The following TMEM267 variants were observed in gnomAD, a reference collection of about 807,000 sequenced individuals.
The protein encoded by TMEM267 is transmembrane protein C5orf28.
TMEM267 carries 20 observed loss-of-function variants against 19.3 expected under a neutral mutation model. The observed-to-expected ratio is 1.04, with a 90% CI of 0.73 to 1.51. The LOEUF is 1.51. Ranked by LOEUF, TMEM267 falls within the 40% of genes most tolerant of loss-of-function variation. The pLI is 0.00. For missense variants in TMEM267, 242 were observed against 261.9 expected, an observed-to-expected ratio of 0.92 and a Z score of 0.52; for synonymous variants, 88 against 90.3, an observed-to-expected ratio of 0.97 and a Z score of 0.15.
chr5:43,471,363 C>T (rs1051899842), intron 1 of TMEM267, among the ~76,000 whole-genome samples: 2 of 151,812 alleles, frequency 1.3e-5, no homozygotes, highest in Admixed American at 1.3e-4. Flanking sequence ...GTCCATAATA[C>T]CCAAAGCAAT....
chr5:43,476,754 C>T (rs1011427049), intron 1 of TMEM267, among the ~76,000 whole-genome samples: 34 of 150,702 alleles, frequency 2.3e-4, no homozygotes, highest in African/African-American at 8.1e-4. Context: ...AGACCCAGTA[C>T]GTATATGGTG....
chr5:43,474,967 G>A (rs183559309), intron 1 of TMEM267, among the ~76,000 whole-genome samples: 18 of 152,238 alleles, frequency 1.2e-4, no homozygotes, highest in Admixed American at 1.2e-3. Context: ...AAGACAGTGT[G>A]GCGATTCCTC....
chr5:43,453,971 A>T lies in TMEM267; in HGVS notation c.-2T>A. The T allele has an allele frequency of 6.2e-7, 1 of 1,612,248 alleles. No individual in the cohort carries two copies. The highest frequency in any genetic ancestry group is 1.1e-5 in the South Asian group (1 of 90,854). On this transcript the variant is annotated 5_prime_UTR_variant, in exon 2 of 3. Coordinates refer to ENST00000397080, the MANE Select transcript of TMEM267 (RefSeq NM_022483.5). Reference sequence around the variant, plus strand: ...GGTCTTTTCAGTCTCGGATGCCATGACAAACAATATGTTAGTATAGACTAA... The same window carrying T: ...GGTCTTTTCAGTCTCGGATGCCATGTCAAACAATATGTTAGTATAGACTAA...
intron 1 of TMEM267, among the ~76,000 whole-genome samples, chr5:43,473,935 G>A (rs550531748): frequency 6.6e-6 from 1 of 152,300 alleles, no homozygotes; most frequent in East Asian, 1.9e-4. Flanking sequence ...CAATGGAACA[G>A]AACAGAGGCC....
At position 43,477,549 on chromosome 5, in the gene TMEM267, G is replaced by A. The variant is rs555439179; in HGVS notation, c.-75+6273C>T. On this transcript the variant is annotated intron_variant, in intron 1 of 2. Transcript: ENST00000397080. ...GCGGAGGTTGCAGTGAGCAGAATGC[G>A]CCACTACACTCCAGCCTGGCAACAG... Among the ~76,000 whole-genome samples the A allele has an allele frequency of 9.6e-4, 135 of 141,176 alleles. 1 individual carries two copies. Among genetic ancestry groups the A allele is most frequent in the African/African-American group, 3.5e-3 (131 of 37,328 alleles). The allele number at this position is 141,176 out of a possible 152,430, so 92.6% of individuals were successfully genotyped here.
At chr5:43,468,864 T>C (rs947800165) in intron 1 of TMEM267, among the ~76,000 whole-genome samples, 1 of 151,976 alleles carries the variant, frequency 6.6e-6, no homozygotes, top group Non-Finnish European at 1.5e-5. Flanking sequence ...TGAATTAATA[T>C]CAAGCATCTT....
intron 1 of TMEM267, among the ~76,000 whole-genome samples, chr5:43,476,737 G>A (rs891662697): frequency 6.6e-6 from 1 of 151,634 alleles, no homozygotes; most frequent in Non-Finnish European, 1.5e-5. Flanking sequence ...ATACAAAATC[G>A]AGAACCAGAC....
chr5:43,453,559 T>C, intron 2 of TMEM267, 99 bp downstream of exon 2: 1 of 1,122,340 alleles, frequency 8.9e-7, no homozygotes, highest in South Asian at 1.6e-5. Flanking sequence ...CTTTCCTATT[T>C]TAAGACAAAT....
intron 2 of TMEM267, among the ~76,000 whole-genome samples, chr5:43,448,610 C>T (rs1742392297): frequency 6.6e-6 from 1 of 152,074 alleles, no homozygotes; most frequent in Admixed American, 6.6e-5. Context: ...AACCCCGTTT[C>T]TACTAAAAAT....
At chr5:43,448,058 C>T (rs969427296) in intron 2 of TMEM267, among the ~76,000 whole-genome samples, 7 of 152,130 alleles carry the variant, frequency 4.6e-5, no homozygotes, top group African/African-American at 7.2e-5. Flanking sequence ...GACAATGTTC[C>T]GACCACATGA....
rs1742214506 is a variant in TMEM267, at chr5:43,446,042, GAAT to G, written c.*177_*179del. On this transcript the variant is annotated 3_prime_UTR_variant, in exon 3 of 3. Coordinates refer to ENST00000397080, the MANE Select transcript of TMEM267 (RefSeq NM_022483.5). ...AGAGTTGTCATAGAAGAGAGAAGTA[GAAT>G]AATAACAAGTATAATTTTTAAAAAA... 4.6e-6 allele frequency: 2 copies of G among 439,356 alleles called. No homozygotes were observed. The highest frequency in any genetic ancestry group is 8.0e-6 in the Non-Finnish European group (2 of 248,742). The allele number at this position is 439,356 out of a possible 1,614,324, so 27.2% of individuals were successfully genotyped here.
Position 43,483,133 on chromosome 5 carries a change from C to A in TMEM267, c.-75+689G>T, listed in dbSNP as rs545836654. Among the ~76,000 whole-genome samples the A allele has an allele frequency of 4.6e-5, 7 of 152,286 alleles. No homozygotes were observed. The South Asian group carries it at 1.5e-3, about 32-fold the overall frequency. On this transcript the variant is annotated intron_variant, in intron 1 of 2. Coordinates refer to ENST00000397080, the MANE Select transcript of TMEM267 (RefSeq NM_022483.5). Reference sequence around the variant, plus strand: ...AATGGAAAAATATCAAAAGCAGATGCCAAATCTGATGCAACTAACTGACAA... The same window carrying A: ...AATGGAAAAATATCAAAAGCAGATGACAAATCTGATGCAACTAACTGACAA...
intron 2 of TMEM267, among the ~76,000 whole-genome samples, chr5:43,450,190 G>C (rs944148735): frequency 1.3e-5 from 2 of 151,764 alleles, no homozygotes; most frequent in African/African-American, 4.8e-5. Context: ...GATGGGGTCT[G>C]GCCCTGTTGC....
At chr5:43,484,251 G>A (rs960680651), upstream of TMEM267, 1 of 152,254 alleles carries the variant, frequency 6.6e-6, no homozygotes, top group African/African-American at 2.4e-5. Context: ...AGGCACACAG[G>A]CCTTACTACC....
chr5:43,475,922 C>A (rs1744394710), intron 1 of TMEM267, among the ~76,000 whole-genome samples: 1 of 152,194 alleles, frequency 6.6e-6, no homozygotes, highest in Non-Finnish European at 1.5e-5. Flanking sequence ...TGGCTTTGTA[C>A]TGTATCAACT....
Position 43,453,285 on chromosome 5 carries a change from C to T in TMEM267, c.312+373G>A, listed in dbSNP as rs567174995. 2.0e-5 allele frequency among the ~76,000 whole-genome samples: 3 copies of T among 152,336 alleles called. No individual in the cohort carries two copies. The East Asian group carries it at 5.8e-4, about 29-fold the overall frequency. On this transcript the variant is annotated intron_variant, in intron 2 of 2. Transcript: ENST00000397080. ...TAAGGGGGAAATGTTAAGTGTGCTC[C>T]TGAAGAAAGTACACTGATACAGAAA...
chr5:43,466,087 T>C (rs1004546367), intron 1 of TMEM267, among the ~76,000 whole-genome samples: 17 of 152,112 alleles, frequency 1.1e-4, no homozygotes, highest in Non-Finnish European at 2.4e-4. Flanking sequence ...GTAGAAAGTT[T>C]ATTGAATGGG....
chr5:43,474,379 T>C (rs1309763264), intron 1 of TMEM267, among the ~76,000 whole-genome samples: 1 of 152,004 alleles, frequency 6.6e-6, no homozygotes, highest in African/African-American at 2.4e-5. Flanking sequence ...AGGGCTAATA[T>C]CCAGAATCTA....
intron 1 of TMEM267, among the ~76,000 whole-genome samples, chr5:43,466,286 A>G (rs939527271): frequency 3.9e-5 from 6 of 152,194 alleles, no homozygotes; most frequent in African/African-American, 1.4e-4. Context: ...ATAGAGCTTC[A>G]ATACATCTGG....
Sources: gnomAD v4.1 joint callset for allele counts (sites outside exome capture counted in the v4.1 genomes callset) on GRCh38, gnomAD v4.1.1 for gene constraint, MANE v1.5 for transcripts, NCBI Gene and HGNC (gene_info 2026-07-23, HGNC 2026-07-21) for gene names.